FYB1: variants seen among roughly 807,000 people sequenced by gnomAD.
The protein encoded by FYB1 is FYN-binding protein 1.
A neutral mutation model predicts 94.1 loss-of-function variants in FYB1; 41 were observed. The observed-to-expected ratio is 0.44, with a 90% CI of 0.34 to 0.57. The LOEUF is 0.57. Among genes scored for constraint, FYB1 ranks in the 20% least tolerant of loss-of-function variants. FYB1 has a pLI of 0.02. For synonymous variants in FYB1, 367 were observed against 353.2 expected, an observed-to-expected ratio of 1.04 and a Z score of -0.44; for missense variants, 1,050 against 976.8, an observed-to-expected ratio of 1.07 and a Z score of -1.00.
At chr5:39,256,366 C>T (rs374880264) in intron 1 of FYB1, among the ~76,000 whole-genome samples, 2 of 152,042 alleles carry the variant, frequency 1.3e-5, no homozygotes, top group African/African-American at 2.4e-5. Flanking sequence ...AAGGACTTAC[C>T]GTGTGGAAGG....
intron 2 of FYB1, among the ~76,000 whole-genome samples, chr5:39,199,072 A>G (rs1748081298): frequency 6.6e-6 from 1 of 151,784 alleles, no homozygotes; most frequent in African/African-American, 2.4e-5. Context: ...CTGTACGTAC[A>G]ATATACCACA....
chr5:39,153,313 G>A, intron 3 of FYB1, 135 bp downstream of exon 3: 1 of 1,070,708 alleles, frequency 9.3e-7, no homozygotes, highest in Non-Finnish European at 1.4e-6. Context: ...AGCTCAGCCA[G>A]CTCTTCTCCC....
At chr5:39,119,422 T>G in intron 15 of FYB1, 113 bp downstream of exon 15, 9 of 731,022 alleles carry the variant, frequency 1.2e-5, no homozygotes, top group Non-Finnish European at 1.9e-5. Context: ...AAAGTGTGCA[T>G]TTTGTTACTT....
At chr5:39,211,168 G>A (rs188000755) in intron 1 of FYB1, 86 of 152,214 alleles carry the variant, frequency 5.6e-4, no homozygotes, top group Admixed American at 1.2e-3. Flanking sequence ...ATTGAAAAAT[G>A]TTTTCATAGA....
intron 1 of FYB1, among the ~76,000 whole-genome samples, chr5:39,268,697 C>G (rs1177001890): frequency 6.6e-6 from 1 of 152,014 alleles, no homozygotes; most frequent in Non-Finnish European, 1.5e-5. Flanking sequence ...TCCCAAGTAG[C>G]TGGGGTTACA....
chr5:39,202,915 C>T lies in FYB1; in HGVS notation c.46G>A (p.Val16Ile), dbSNP rs1748499295. 3.7e-6 allele frequency: 6 copies of T among 1,614,010 alleles called. No individual in the cohort carries two copies. The highest frequency in any genetic ancestry group is 5.1e-6 in the Non-Finnish European group (6 of 1,179,890). The change falls in exon 2 of 19, where the codon GTC becomes ATC. Residue 16 changes from valine (V) to isoleucine (I), a missense_variant. Coordinates refer to ENST00000512982, the MANE Select transcript of FYB1 (RefSeq NM_001465.6). The stretch of plus-strand genomic sequence containing the variant: ...GTGACTCTGAAGGGTCGGCTATTGA[C>T]TGAGACATCCTCTGTCGGGTTGCCC... ...TGGNPTEDVS[V>I]NSRPFRVTGP...
intron 1 of FYB1, among the ~76,000 whole-genome samples, chr5:39,257,254 A>G (rs1443809881): frequency 6.6e-6 from 1 of 152,208 alleles, no homozygotes; most frequent in African/African-American, 2.4e-5. Context: ...AGAAAAGTTA[A>G]TTTTTACCAA....
In FYB1 at chr5:39,110,257, T is replaced by C. The variant is rs980261868; in HGVS notation, c.2435+99A>G. ...TTGTTTTTAAATTTATTTATGATAGTTGAGTAGGTTACATTATTTAAGTAA... is the reference window on the plus strand; with the variant it reads ...TTGTTTTTAAATTTATTTATGATAGCTGAGTAGGTTACATTATTTAAGTAA... On this transcript the variant is annotated intron_variant, in intron 17 of 18. Coordinates refer to ENST00000512982, the MANE Select transcript of FYB1 (RefSeq NM_001465.6). The C allele has an allele frequency of 7.5e-6, 5 of 668,402 alleles. No individual in the cohort carries two copies. In the African/African-American group the frequency reaches 9.3e-5, roughly 12 times the overall value. 41.4% of individuals were successfully genotyped at this position (668,402 alleles called of 1,614,324 possible).
At position 39,207,185 on chromosome 5, in the gene FYB1, C is replaced by T. The variant is rs541349449; in HGVS notation, c.-27-4198G>A. Among the ~76,000 whole-genome samples the T allele has an allele frequency of 4.6e-5, 7 of 152,236 alleles. No homozygotes were observed. In the South Asian group the frequency reaches 1.5e-3, roughly 32 times the overall value. Reference sequence around the variant, plus strand: ...CAATTTGAATTTGCAAATTCAAATTCATTTGCAATTTCTTTTCCAAAGCCA... The same window carrying T: ...CAATTTGAATTTGCAAATTCAAATTTATTTGCAATTTCTTTTCCAAAGCCA... On this transcript the variant is annotated intron_variant, in intron 1 of 18. Transcript: ENST00000512982.
At chr5:39,110,099 A>T (rs1738918194) in intron 17 of FYB1, among the ~76,000 whole-genome samples, 1 of 152,176 alleles carries the variant, frequency 6.6e-6, no homozygotes, top group African/African-American at 2.4e-5. Context: ...GAGCCTAATG[A>T]ATATATAAAA....
chr5:39,123,216 G>A lies in FYB1; in HGVS notation c.2072-814C>T, dbSNP rs548819227. ...TTAAATACTCTCTGGTAGTGGCAAG[G>A]AATTTATTTCCTTTATAAAATCTCC... On this transcript the variant is annotated intron_variant, in intron 13 of 18. Coordinates refer to ENST00000512982, the MANE Select transcript of FYB1 (RefSeq NM_001465.6). Among the ~76,000 whole-genome samples, 3 of 152,216 alleles carry A rather than the reference G, an allele frequency of 2.0e-5. No homozygotes were observed. The South Asian group carries it at 6.2e-4, about 32-fold the overall frequency.
chr5:39,212,432 C>T (rs78302512), intron 1 of FYB1, among the ~76,000 whole-genome samples: 2,701 of 152,248 alleles, frequency 0.018, 81 homozygotes, highest in African/African-American at 0.062. Flanking sequence ...GAAGATTCCA[C>T]AAAGAGAAAT....
At chr5:39,123,469 TG>T (rs901676559) in intron 13 of FYB1, among the ~76,000 whole-genome samples, 31 of 152,140 alleles carry the variant, frequency 2.0e-4, no homozygotes, top group Non-Finnish European at 3.7e-4. Context: ...ACCCACTTTT[TG>T]AGGAGTTAAT....
At chr5:39,130,861 A>G (rs1401608057) in intron 9 of FYB1, among the ~76,000 whole-genome samples, 1 of 152,138 alleles carries the variant, frequency 6.6e-6, no homozygotes, top group Non-Finnish European at 1.5e-5. Context: ...ATAGAAAATG[A>G]TGATATTGTT....
intron 16 of FYB1, among the ~76,000 whole-genome samples, chr5:39,115,709 C>T (rs1739500726): frequency 2.0e-5 from 3 of 151,908 alleles, no homozygotes; most frequent in Admixed American, 2.0e-4. Context: ...GTCAAGGACC[C>T]AGTCCATGGA....
At position 39,210,268 on chromosome 5, in the gene FYB1, G is replaced by T. The variant is rs74467449; in HGVS notation, c.-27-7281C>A. Among the ~76,000 whole-genome samples the T allele has an allele frequency of 2.7e-3, 416 of 152,338 alleles. 2 individuals are homozygous for T. The highest frequency in any genetic ancestry group is 9.3e-3 in the African/African-American group (388 of 41,578). On this transcript the variant is annotated intron_variant, in intron 1 of 18. Transcript: ENST00000512982. ...GTGGAAGGAAACACCTGACTTAAAT[G>T]GGGACTTTCTGGGTGGTGTGTGTGC...
intron 1 of FYB1, among the ~76,000 whole-genome samples, chr5:39,228,372 T>A (rs1750573623): frequency 6.6e-6 from 1 of 152,232 alleles, no homozygotes; most frequent in Non-Finnish European, 1.5e-5. Context: ...TTCTTAGTGA[T>A]GAATACATTG....
chr5:39,116,349 A>C (rs115064121), intron 16 of FYB1, among the ~76,000 whole-genome samples: 4,722 of 152,288 alleles, frequency 0.031, 108 homozygotes, highest in Non-Finnish European at 0.049. Context: ...CTAAGAATTT[A>C]GGTAGTTAAC....
At chr5:39,156,185 C>T (rs1360131608) in intron 2 of FYB1, among the ~76,000 whole-genome samples, 2 of 152,102 alleles carry the variant, frequency 1.3e-5, no homozygotes, top group Non-Finnish European at 2.9e-5. Context: ...GAATTGGAAA[C>T]ACTGAAAACT....
Sources: allele counts gnomAD v4.1 joint callset (sites outside exome capture counted in the v4.1 genomes callset), GRCh38; gene constraint gnomAD v4.1.1; transcripts MANE v1.5; gene names NCBI Gene and HGNC (gene_info 2026-07-23, HGNC 2026-07-21).